ZNF804B: variants seen among roughly 807,000 people sequenced by gnomAD.
The protein encoded by ZNF804B is zinc finger protein 804B.
In ZNF804B, 80 loss-of-function variants were observed where a neutral mutation model predicts 101.4. The ratio of observed to expected loss-of-function variants is 0.79; its 90% CI spans 0.66 to 0.95. The LOEUF is 0.95. ZNF804B is among the 40% of genes least tolerant of loss of function. The probability of loss-of-function intolerance (pLI) is 0.00; values close to 1 mark genes in which losing one functional copy is unlikely to be tolerated. For missense variants in ZNF804B, 1,673 were observed against 1,561.9 expected, an observed-to-expected ratio of 1.07 and a Z score of -1.20; for synonymous variants, 622 against 558.8, an observed-to-expected ratio of 1.11 and a Z score of -1.59.
At chr7:89,043,592 C>A (rs897491297) in intron 1 of ZNF804B, among the ~76,000 whole-genome samples, 5 of 152,160 alleles carry the variant, frequency 3.3e-5, no homozygotes, top group Admixed American at 2.0e-4. Context: ...CACTGAAAGC[C>A]ATTCAAAGGA....
At chr7:89,023,807 C>G (rs1258497315) in intron 1 of ZNF804B, among the ~76,000 whole-genome samples, 13 of 152,158 alleles carry the variant, frequency 8.5e-5, no homozygotes, top group Non-Finnish European at 1.5e-5. Flanking sequence ...CCTGTCAGAC[C>G]TGAGCTCATA....
At chr7:88,901,155 G>A (rs146930516) in intron 1 of ZNF804B, among the ~76,000 whole-genome samples, 209 of 151,716 alleles carry the variant, frequency 1.4e-3, no homozygotes, top group Non-Finnish European at 2.3e-3. Context: ...GCTATTTTCC[G>A]TATAATTCAT....
chr7:89,080,703 C>A (rs912714349), intron 1 of ZNF804B, among the ~76,000 whole-genome samples: 17 of 151,890 alleles, frequency 1.1e-4, no homozygotes, highest in African/African-American at 3.9e-4. Flanking sequence ...TCAGTTCTGC[C>A]TCAGCATGCT....
At position 89,284,826 on chromosome 7, in the gene ZNF804B, T is replaced by TA. The variant is rs541685818; in HGVS notation, c.250-42508dup. Among the ~76,000 whole-genome samples, 318 of 149,688 alleles carry TA rather than the reference T, an allele frequency of 2.1e-3. 1 individual carries two copies. The highest frequency in any genetic ancestry group is 6.8e-3 in the Middle Eastern group (2 of 294). ...TGATAATTTTAGAAACATTTTTGAT[T>TA]AAAAAAAAAATCAAGATATCAGGAC... On this transcript the variant is annotated intron_variant, in intron 2 of 3. Transcript: ENST00000333190.
chr7:89,176,579 C>CTTTTTTTTTTTTTTTTT (rs1562906106), intron 1 of ZNF804B, among the ~76,000 whole-genome samples: 2 of 62,684 alleles, frequency 3.2e-5, no homozygotes, highest in Admixed American at 1.5e-4. Context: ...TTTTTTCTTT[C>CTTTTTTTTTTTTTTTTT]TTTCTTTCTT....
intron 1 of ZNF804B, among the ~76,000 whole-genome samples, chr7:88,786,146 T>G (rs1223810476): frequency 1.3e-5 from 2 of 152,062 alleles, no homozygotes; most frequent in African/African-American, 4.8e-5. Flanking sequence ...GAAAATAAAA[T>G]GTAATATTTG....
At chr7:88,809,333 AT>A (rs879811342) in intron 1 of ZNF804B, among the ~76,000 whole-genome samples, 1,728 of 151,206 alleles carry the variant, frequency 0.011, 12 homozygotes, top group Middle Eastern at 0.031. Flanking sequence ...CTATCTATCT[AT>A]CTATCTATCT....
At chr7:89,123,503 C>T (rs1011825303) in intron 1 of ZNF804B, among the ~76,000 whole-genome samples, 1 of 152,056 alleles carries the variant, frequency 6.6e-6, no homozygotes, top group African/African-American at 2.4e-5. Flanking sequence ...GAAGGGTTTG[C>T]TTTATGCTAA....
chr7:89,123,714 T>TACGAG (rs112278538), intron 1 of ZNF804B, among the ~76,000 whole-genome samples: 2 of 151,414 alleles, frequency 1.3e-5, no homozygotes, highest in African/African-American at 4.9e-5. Flanking sequence ...CTTAACAGCA[T>TACGAG]ATAAGTATTA....
At chr7:89,013,790 C>T (rs1371207227) in intron 1 of ZNF804B, among the ~76,000 whole-genome samples, 1 of 152,108 alleles carries the variant, frequency 6.6e-6, no homozygotes, top group African/African-American at 2.4e-5. Context: ...CCTTTCCAGC[C>T]TTTAGTAATC....
intron 1 of ZNF804B, among the ~76,000 whole-genome samples, chr7:89,188,591 C>T (rs1171580971): frequency 6.6e-6 from 1 of 152,050 alleles, no homozygotes; most frequent in African/African-American, 2.4e-5. Context: ...AAACAGTTAG[C>T]AAAGTTCTGA....
chr7:88,892,529 ACTT>A (rs1243921156), intron 1 of ZNF804B, among the ~76,000 whole-genome samples: 2 of 151,790 alleles, frequency 1.3e-5, no homozygotes, highest in African/African-American at 4.8e-5. Flanking sequence ...TTTCTCTTTG[ACTT>A]CTTCTGTAAG....
chr7:89,006,258 T>TA (rs1049045111), intron 1 of ZNF804B, among the ~76,000 whole-genome samples: 3 of 152,162 alleles, frequency 2.0e-5, no homozygotes, highest in East Asian at 1.9e-4. Flanking sequence ...CTTCCTCCAT[T>TA]AAAAAAATCT....
At chr7:89,294,461 T>G (rs532607608) in intron 2 of ZNF804B, among the ~76,000 whole-genome samples, 20 of 152,174 alleles carry the variant, frequency 1.3e-4, no homozygotes, top group Non-Finnish European at 2.5e-4. Flanking sequence ...CAGTTGGGTT[T>G]GTTTGTTCAG....
At chr7:88,773,393 G>C (rs1790097316) in intron 1 of ZNF804B, among the ~76,000 whole-genome samples, 1 of 130,804 alleles carries the variant, frequency 7.6e-6, no homozygotes, top group African/African-American at 3.4e-5. Flanking sequence ...CAACTGGGGA[G>C]TCCAAGTCAT....
At chr7:89,161,574 AG>A (rs1432687158) in intron 1 of ZNF804B, among the ~76,000 whole-genome samples, 1 of 152,020 alleles carries the variant, frequency 6.6e-6, no homozygotes, top group East Asian at 2.0e-4. Flanking sequence ...TCTTTTACAG[AG>A]ATGGGGTTTC....
chr7:89,012,881 G>A (rs1490597841), intron 1 of ZNF804B, among the ~76,000 whole-genome samples: 1 of 152,074 alleles, frequency 6.6e-6, no homozygotes, highest in Non-Finnish European at 1.5e-5. Flanking sequence ...CGCAAGACTG[G>A]GTAATTTATA....
chr7:89,218,730 T>C (rs10279101), intron 2 of ZNF804B, among the ~76,000 whole-genome samples: 83,688 of 151,950 alleles, frequency 0.55, 23,482 homozygotes, highest in African/African-American at 0.6. Context: ...GTTTTATATA[T>C]GTTACATGTA....
chr7:88,865,018 C>T (rs1791704972), intron 1 of ZNF804B, among the ~76,000 whole-genome samples: 1 of 151,770 alleles, frequency 6.6e-6, no homozygotes, highest in South Asian at 2.1e-4. Flanking sequence ...CACCTGAGGT[C>T]AGGAGTTCAA....
Sources: allele counts gnomAD v4.1 joint callset (sites outside exome capture counted in the v4.1 genomes callset), GRCh38; gene constraint gnomAD v4.1.1; transcripts MANE v1.5; gene names NCBI Gene and HGNC (gene_info 2026-07-23, HGNC 2026-07-21).